Variants in SCYL1 observed in about 807,000 individuals in gnomAD.
SCYL1 encodes SCY1 like pseudokinase 1, also known as N-terminal kinase-like protein.
Under a neutral mutation model 94.8 loss-of-function variants are expected in SCYL1, and 85 were observed. The ratio of observed to expected loss-of-function variants is 0.90; its 90% CI spans 0.75 to 1.07. The LOEUF (loss-of-function observed/expected upper bound fraction) is 1.07, where lower values mean the gene tolerates loss of function less well. SCYL1 is among the 50% of genes least tolerant of loss of function. The probability of loss-of-function intolerance (pLI) is 0.00; values close to 1 mark genes in which losing one functional copy is unlikely to be tolerated. For missense variants in SCYL1, 968 were observed against 1,083.3 expected, an observed-to-expected ratio of 0.89 and a Z score of 1.49; for synonymous variants, 459 against 435.5, an observed-to-expected ratio of 1.05 and a Z score of -0.67.
intron 8 of SCYL1, 96 bp from the exon 9 acceptor site, chr11:65,532,596 T>C (rs1296188933): frequency 1.0e-6 from 1 of 1,004,998 alleles, no homozygotes; most frequent in Non-Finnish European, 1.5e-6. Flanking sequence ...GGCCAGTGCC[T>C]GCTGGGTGGA....
intron 6 of SCYL1, among the ~76,000 whole-genome samples, chr11:65,529,629 G>A (rs1052251736): frequency 2.6e-5 from 4 of 152,172 alleles, no homozygotes; most frequent in East Asian, 1.9e-4. Context: ...GCCTCTCCCC[G>A]GCCAAGCCGC....
At chr11:65,531,716 C>T (rs923913521) in intron 8 of SCYL1, 33 bp downstream of exon 8, 2 of 1,519,318 alleles carry the variant, frequency 1.3e-6, no homozygotes, top group African/African-American at 1.4e-5. Flanking sequence ...TGTGGTGGTC[C>T]ACCCAGACCC....
chr11:65,534,138 G>A (rs1855530258), intron 9 of SCYL1, among the ~76,000 whole-genome samples: 1 of 152,100 alleles, frequency 6.6e-6, no homozygotes, highest in Non-Finnish European at 1.5e-5. Context: ...GGCTGAGGCA[G>A]GAGAATGGTG....
Position 65,525,271 on chromosome 11 carries a change from G to T in SCYL1, c.111+7G>T. On this transcript the variant is annotated splice_region_variant and intron_variant, in intron 1 of 17. Transcript: ENST00000270176. ...GCACCGCGGCCGCAAGAAGGTGAGT[G>T]CGGCCGAGCTCCGTAGGCCGCGGTC... The T allele has an allele frequency of 7.0e-7, 1 of 1,422,608 alleles. No homozygotes were observed. The allele number at this position is 1,422,608 out of a possible 1,614,324, so 88.1% of individuals were successfully genotyped here. A position where few individuals can be genotyped will look rare whatever the true frequency, so the allele number is the denominator to read the frequency against.
Position 65,526,035 on chromosome 11 carries a change from C to G in SCYL1, c.367C>G (p.Gln123Glu), listed in dbSNP as rs1855057493. Residue 123 changes from glutamine to glutamate, a missense_variant, in exon 3 of 18, where the codon CAG (glutamine) becomes GAG (glutamate). By Grantham distance (29) the Gln-to-Glu change is conservative (BLOSUM62 2). Around this residue, in one of 2 missense-constraint regions of SCYL1, gnomAD observed 494 missense variants for 619.7 expected, o/e 0.80. Coordinates refer to ENST00000270176, the MANE Select transcript of SCYL1 (RefSeq NM_020680.4). The surrounding 1 kb of genome is among the most constrained non-coding windows in gnomAD (Gnocchi z 4.1). ...KELEISWGLHQIVKALSFLVN... is the reference protein window; with the variant it reads ...KELEISWGLHEIVKALSFLVN... ...GCTGGAGATCTCCTGGGGGCTACAC[C>G]AGATCGTGGTGAGGTGGGGGGCAGT... is the stretch of plus-strand genomic sequence containing the variant. 1 of 1,612,746 alleles carries G rather than the reference C, an allele frequency of 6.2e-7. No homozygotes were observed. Among genetic ancestry groups the G allele is most frequent in the African/African-American group, 1.3e-5 (1 of 74,850 alleles).
At chr11:65,527,342 T>C (rs1855138165) in intron 6 of SCYL1, among the ~76,000 whole-genome samples, 1 of 152,094 alleles carries the variant, frequency 6.6e-6, no homozygotes, top group Non-Finnish European at 1.5e-5. Flanking sequence ...AATCCGAAAA[T>C]GCATGATCTA....
intron 15 of SCYL1, 40 bp from the exon 16 acceptor site, chr11:65,537,927 C>T: frequency 6.3e-7 from 1 of 1,587,106 alleles, no homozygotes; most frequent in Non-Finnish European, 8.6e-7. Flanking sequence ...CTCTTTCCTC[C>T]TTGGGCCCAG....
At position 65,536,683 on chromosome 11, in the gene SCYL1, G is replaced by C. The variant is rs760456789; in HGVS notation, c.1749G>C (p.Lys583Asn). ...CCGGGGTCTCCTCACTCACCTCCAA[G>C]CTGATCCGTTCGCACCCAACCACTG... ...AVTGVSSLTS[K>N]LIRSHPTTAP... The change falls in exon 13 of 18, where the codon AAG becomes AAC. Residue 583 changes from lysine (K) to asparagine (N), a missense_variant. By Grantham distance (94) the Lys-to-Asn change is moderately conservative (BLOSUM62 0). Coordinates refer to ENST00000270176, the MANE Select transcript of SCYL1 (RefSeq NM_020680.4). The C allele has an allele frequency of 6.2e-7, 1 of 1,614,034 alleles. No homozygotes were observed. The highest frequency in any genetic ancestry group is 8.5e-7 in the Non-Finnish European group (1 of 1,179,918).
At chr11:65,533,172 T>A (rs1855472943) in intron 9 of SCYL1, 1 of 228,126 alleles carries the variant, frequency 4.4e-6, no homozygotes, top group South Asian at 6.4e-5. Context: ...CCATAATCCC[T>A]GCACTTTGGG....
Position 65,531,647 on chromosome 11 carries a change from C to T in SCYL1, c.1080C>T (p.Ser360=). The T allele has an allele frequency of 1.9e-6, 3 of 1,613,978 alleles. No individual in the cohort carries two copies. The highest frequency in any genetic ancestry group is 1.1e-5 in the South Asian group (1 of 91,084). ...IIPVVVKMFS[S]TDRAMRIRLL... ...CTGTGGTGGTCAAGATGTTCTCATC[C>T]ACTGACCGGGCCATGCGCATCCGCC... The change falls in exon 8 of 18, where the codon TCC becomes TCT. Residue 360 remains serine (S), a synonymous_variant. Transcript: ENST00000270176.
At chr11:65,532,134 G>A (rs1855405524) in intron 8 of SCYL1, among the ~76,000 whole-genome samples, 1 of 152,142 alleles carries the variant, frequency 6.6e-6, no homozygotes, top group Non-Finnish European at 1.5e-5. Flanking sequence ...ATTTATAGAA[G>A]AGGCTCAGGC....
Position 65,536,002 on chromosome 11 carries a change from C to A in SCYL1, c.1436C>A (p.Pro479Gln). 1.2e-6 allele frequency: 2 copies of A among 1,613,328 alleles called. No homozygotes were observed. Among genetic ancestry groups the A allele is most frequent in the Non-Finnish European group, 1.7e-6 (2 of 1,179,570 alleles). ...TSAFSRATRD[P>Q]FAPSRVAGVL... Reference sequence around the variant, plus strand: ...GCCTTCAGCCGAGCCACTAGGGACCCGTTTGCACCGTCCCGGGTTGCGGGT... The same window carrying A: ...GCCTTCAGCCGAGCCACTAGGGACCAGTTTGCACCGTCCCGGGTTGCGGGT... Residue 479 changes from proline to glutamine, a missense_variant, in exon 11 of 18, where the codon CCG (proline) becomes CAG (glutamine). By Grantham distance (76) the Pro-to-Gln change is moderately conservative (BLOSUM62 -1). Transcript: ENST00000270176.
At chr11:65,533,853 C>T (rs1476262685) in intron 9 of SCYL1, among the ~76,000 whole-genome samples, 1 of 151,826 alleles carries the variant, frequency 6.6e-6, no homozygotes, top group South Asian at 2.1e-4. Context: ...GAGGCCGAGG[C>T]GGGTGGATCA....
Position 65,526,342 on chromosome 11 carries a change from A to G in SCYL1, c.594A>G (p.Arg198=). 1 of 1,599,892 alleles carries G rather than the reference A, an allele frequency of 6.3e-7. No homozygotes were observed. Among genetic ancestry groups the G allele is most frequent in the African/African-American group, 1.3e-5 (1 of 74,836 alleles). Residue 198 remains arginine, a synonymous_variant, in exon 4 of 18, where the codon AGA becomes AGG. Coordinates refer to ENST00000270176, the MANE Select transcript of SCYL1 (RefSeq NM_020680.4). This position sits in a 1 kb window ranked among gnomAD's most constrained non-coding sequence, Gnocchi z 4.1. The part of the protein sequence containing the change: ...ELADSSGRVV[R]EKWSADMWRL... ...CTGACAGCAGTGGCAGAGTGGTCAGAGAGAAGTGGTGGGTGACTGGGGGCA... is the reference window on the plus strand; with the variant it reads ...CTGACAGCAGTGGCAGAGTGGTCAGGGAGAAGTGGTGGGTGACTGGGGGCA...
chr11:65,530,780 T>G lies in SCYL1; in HGVS notation c.1001T>G (p.Leu334Arg). 25 of 1,610,860 alleles carry G rather than the reference T, an allele frequency of 1.6e-5. No individual in the cohort carries two copies. Among genetic ancestry groups the G allele is most frequent in the Non-Finnish European group, 2.1e-5 (25 of 1,178,698 alleles). ...GNAGAVVLTP[L>R]FKVGKFLSAE... ...GCTGGGGCCGTTGTCCTCACGCCCC[T>G]CTTCAAGGTGAGTGGAACTGTGGGG... Residue 334 changes from leucine to arginine, a missense_variant, in exon 7 of 18, where the codon CTC becomes CGC. Coordinates refer to ENST00000270176, the MANE Select transcript of SCYL1 (RefSeq NM_020680.4).
rs780992154 is a variant in SCYL1, at chr11:65,531,570, T to C, written c.1009-6T>C. On this transcript the variant is annotated splice_region_variant and splice_polypyrimidine_tract_variant and intron_variant, in intron 7 of 17. Transcript: ENST00000270176. ...AGCAGCTGAACCCATCTTCCTGCCCTTTCAGGTGGGCAAGTTCCTGAGCGC... is the reference window on the plus strand; with the variant it reads ...AGCAGCTGAACCCATCTTCCTGCCCCTTCAGGTGGGCAAGTTCCTGAGCGC... The C allele has an allele frequency of 1.1e-5, 17 of 1,609,160 alleles. No homozygotes were observed. The highest frequency in any genetic ancestry group is 1.4e-5 in the Non-Finnish European group (17 of 1,175,684).
Position 65,538,145 on chromosome 11 carries a change from A to C in SCYL1, c.2210A>C (p.Asp737Ala), listed in dbSNP as rs1554970836. The change falls in exon 16 of 18, where the codon GAC becomes GCC. Residue 737 changes from aspartate to alanine, a missense_variant. By Grantham distance (126) the Asp-to-Ala change is moderately radical. Coordinates refer to ENST00000270176, the MANE Select transcript of SCYL1 (RefSeq NM_020680.4). Reference sequence around the variant, plus strand: ...GGCCCAGAGTCCAGCGACAAGGGCGACCCCTTCGCTACCCTGTCTGCACGT... The same window carrying C: ...GGCCCAGAGTCCAGCGACAAGGGCGCCCCCTTCGCTACCCTGTCTGCACGT... ...WGGPESSDKG[D>A]PFATLSARPS... The C allele has an allele frequency of 6.3e-7, 1 of 1,598,018 alleles. No individual in the cohort carries two copies. Among genetic ancestry groups the C allele is most frequent in the Admixed American group, 1.7e-5 (1 of 57,700 alleles).
intron 6 of SCYL1, among the ~76,000 whole-genome samples, chr11:65,530,116 A>T (rs1306580764): frequency 1.3e-5 from 2 of 152,102 alleles, no homozygotes; most frequent in Non-Finnish European, 2.9e-5. Flanking sequence ...AGTAAAGTGT[A>T]CCTAATCCTT....
In SCYL1 at chr11:65,530,695, G is replaced by A. The variant is rs1314713271; in HGVS notation, c.916G>A (p.Glu306Lys). ...GAGCAAGAGCCTGGACGCATTCCCTGAGGATTTCTGTCGGCACAAGGTGCT... is the reference window on the plus strand; with the variant it reads ...GAGCAAGAGCCTGGACGCATTCCCTAAGGATTTCTGTCGGCACAAGGTGCT... ...ELSKSLDAFPEDFCRHKVLPQ... is the reference protein window; with the variant it reads ...ELSKSLDAFPKDFCRHKVLPQ... Residue 306 changes from glutamate (E) to lysine (K), a missense_variant, in exon 7 of 18, where the codon GAG becomes AAG. Physicochemically the swap from Glu to Lys is moderately conservative, Grantham distance 56 (BLOSUM62 1). This residue lies in a region of SCYL1 where 494 missense variants were observed against 619.7 expected (regional missense o/e 0.80). Coordinates refer to ENST00000270176, the MANE Select transcript of SCYL1 (RefSeq NM_020680.4). 6.2e-7 allele frequency: 1 copy of A among 1,614,112 alleles called. No individual in the cohort carries two copies. Among genetic ancestry groups the A allele is most frequent in the Non-Finnish European group, 8.5e-7 (1 of 1,180,014 alleles).
Sources: allele counts gnomAD v4.1 joint callset (sites outside exome capture counted in the v4.1 genomes callset), GRCh38; gene constraint gnomAD v4.1.1; regional missense constraint gnomAD v4.1.1; non-coding constraint Gnocchi (gnomAD v3.1); transcripts MANE v1.5; gene names NCBI Gene and HGNC (gene_info 2026-07-23, HGNC 2026-07-21).